The following MAST2 variants were observed in gnomAD, a reference collection of about 807,000 sequenced individuals.
MAST2 encodes microtubule associated serine/threonine kinase 2.
Under a neutral mutation model 147.4 loss-of-function variants are expected in MAST2, and 70 were observed. The ratio of observed to expected loss-of-function variants is 0.47; its 90% CI spans 0.39 to 0.58. MAST2 has a LOEUF of 0.58. MAST2 is among the 20% of genes least tolerant of loss of function. The pLI, the probability that MAST2 is intolerant of heterozygous loss-of-function variation, is 0.00. For missense variants in MAST2, 2,080 were observed against 2,302.3 expected (o/e 0.90, Z 1.98); for synonymous variants, 869 against 896.8 (o/e 0.97, Z 0.55).
chr1:45,824,687 C>G, intron 2 of MAST2, 107 bp downstream of exon 2: 1 of 1,164,138 alleles, frequency 8.6e-7, no homozygotes. Flanking sequence ...TGGTAGTAGT[C>G]TTGTATAGAA....
chr1:45,952,420 T>C (rs1296221064), intron 4 of MAST2, among the ~76,000 whole-genome samples: 1 of 152,172 alleles, frequency 6.6e-6, no homozygotes, highest in Non-Finnish European at 1.5e-5. Context: ...AGGTTTCTTT[T>C]TGGCAATGAA....
At position 45,896,165 on chromosome 1, in the gene MAST2, C is replaced by A. The variant is rs561265244; in HGVS notation, c.500+13770C>A. 3.3e-5 allele frequency among the ~76,000 whole-genome samples: 5 copies of A among 151,678 alleles called. No homozygotes were observed. The East Asian group carries it at 9.7e-4, about 29-fold the overall frequency. The stretch of plus-strand genomic sequence containing the variant: ...GCCTCAGCCTCCCGAGTAGCTGGGA[C>A]TACAGACATGGGTGCCACCACACCT... On this transcript the variant is annotated intron_variant, in intron 4 of 28. Transcript: ENST00000361297.
In MAST2 at chr1:46,035,621, G is replaced by A. The variant is rs1335266557; in HGVS notation, c.4952G>A (p.Gly1651Glu). ...SSCSPPSSTS[G>E]KLSMWSWKSL... ...TGCTCTCCTCCCAGCTCCACCTCTG[G>A]GAAGCTGAGCATGTGGTCCTGGAAA... Residue 1651 changes from glycine (G) to glutamate (E), a missense_variant, in exon 29 of 29, where the codon GGG (glycine) becomes GAG (glutamate). This residue lies in a region of MAST2 where 1,278 missense variants were observed against 1,304.2 expected (regional missense o/e 0.98). Coordinates refer to ENST00000361297, the MANE Select transcript of MAST2 (RefSeq NM_015112.3). This position sits in a 1 kb window ranked among gnomAD's most constrained non-coding sequence, Gnocchi z 5.5. 3 of 1,613,888 alleles carry A rather than the reference G, an allele frequency of 1.9e-6. No homozygotes were observed. The Admixed American group carries it at 5.0e-5, about 27-fold the overall frequency.
intron 1 of MAST2, among the ~76,000 whole-genome samples, chr1:45,817,722 A>G (rs1644499401): frequency 7.2e-6 from 1 of 139,420 alleles, no homozygotes; most frequent in Non-Finnish European, 1.5e-5. Flanking sequence ...AACGACTCAT[A>G]TCATGAAAAG....
At chr1:45,843,713 C>T (rs956797769) in intron 3 of MAST2, among the ~76,000 whole-genome samples, 1 of 152,164 alleles carries the variant, frequency 6.6e-6, no homozygotes, top group African/African-American at 2.4e-5. Context: ...AGATAAAGTG[C>T]ATTCACTTGA....
Position 45,913,597 on chromosome 1 carries a change from G to C in MAST2, c.500+31202G>C, listed in dbSNP as rs887194693. The C allele has an allele frequency of 8.1e-6, 8 of 992,462 alleles. No individual in the cohort carries two copies. In the African/African-American group the frequency reaches 1.4e-4, roughly 17 times the overall value. 61.5% of individuals were successfully genotyped at this position (992,462 alleles called of 1,614,324 possible). Reference sequence around the variant, plus strand: ...GATCAGAGGACAGCTGATTCATTTGGGATCTGGAACTTGTCACTGTCCCAC... The same window carrying C: ...GATCAGAGGACAGCTGATTCATTTGCGATCTGGAACTTGTCACTGTCCCAC... On this transcript the variant is annotated intron_variant, in intron 4 of 28. Transcript: ENST00000361297.
chr1:46,007,491 T>A (rs1390913922), intron 8 of MAST2, among the ~76,000 whole-genome samples: 1 of 152,112 alleles, frequency 6.6e-6, no homozygotes, highest in Admixed American at 6.5e-5. Context: ...CTCAGAGAAA[T>A]CCATGCTATA....
intron 3 of MAST2, among the ~76,000 whole-genome samples, chr1:45,862,866 C>CACT (rs1221892591): frequency 6.6e-6 from 1 of 152,168 alleles, no homozygotes. Flanking sequence ...ATGGCACTTC[C>CACT]ACTTGAAGCC....
At position 46,035,442 on chromosome 1, in the gene MAST2, G is replaced by C. The variant is rs750752917; in HGVS notation, c.4773G>C (p.Glu1591Asp). ...TCGGGAGCCCACAAGCCATTGAGGAGGCTGCCAGCTCCTCCTCAGCAGGCC... is the reference window on the plus strand; with the variant it reads ...TCGGGAGCCCACAAGCCATTGAGGACGCTGCCAGCTCCTCCTCAGCAGGCC... ...RRLGSPQAIE[E>D]AASSSSAGPN... The change falls in exon 29 of 29, where the codon GAG becomes GAC. Residue 1591 changes from glutamate to aspartate, a missense_variant. Coordinates refer to ENST00000361297, the MANE Select transcript of MAST2 (RefSeq NM_015112.3). This position sits in a 1 kb window ranked among gnomAD's most constrained non-coding sequence, Gnocchi z 5.5. 6.8e-6 allele frequency: 11 copies of C among 1,613,188 alleles called. No individual in the cohort carries two copies. Among genetic ancestry groups the C allele is most frequent in the Non-Finnish European group, 9.3e-6 (11 of 1,179,842 alleles).
At chr1:45,951,424 A>C (rs1658916549) in intron 4 of MAST2, among the ~76,000 whole-genome samples, 1 of 152,056 alleles carries the variant, frequency 6.6e-6, no homozygotes, top group Admixed American at 6.5e-5. Context: ...CTCTACAAAA[A>C]ATACAAAACT....
At chr1:45,824,987 A>G (rs992743410) in intron 2 of MAST2, among the ~76,000 whole-genome samples, 1 of 152,252 alleles carries the variant, frequency 6.6e-6, no homozygotes, top group Non-Finnish European at 1.5e-5. Context: ...GTCACAGTAC[A>G]AAAGGAAGCA....
intron 3 of MAST2, among the ~76,000 whole-genome samples, chr1:45,882,041 A>AAAAT (rs1646872706): frequency 6.8e-6 from 1 of 146,906 alleles, no homozygotes. Flanking sequence ...AAAAAAAAAA[A>AAAAT]ATTAGCCAGG....
At chr1:45,979,044 GAA>G (rs147100291) in intron 5 of MAST2, among the ~76,000 whole-genome samples, 6,287 of 152,222 alleles carry the variant, frequency 0.041, 204 homozygotes, top group Non-Finnish European at 0.055. Flanking sequence ...TTGTATGAGA[GAA>G]AAACTAGAGT....
intron 4 of MAST2, among the ~76,000 whole-genome samples, chr1:45,912,219 G>C (rs1454490289): frequency 6.6e-6 from 1 of 152,014 alleles, no homozygotes; most frequent in East Asian, 1.9e-4. Context: ...CTACTAGGTG[G>C]GTGAGTTTGC....
chr1:45,820,487 C>T (rs780999308), intron 1 of MAST2, among the ~76,000 whole-genome samples: 1 of 152,078 alleles, frequency 6.6e-6, no homozygotes, highest in Non-Finnish European at 1.5e-5. Flanking sequence ...CTGTAGTATA[C>T]AAAAACTTTA....
chr1:45,809,709 G>A (rs1357215231), intron 1 of MAST2, among the ~76,000 whole-genome samples: 2 of 152,154 alleles, frequency 1.3e-5, no homozygotes, highest in East Asian at 3.9e-4. Flanking sequence ...CTGCAAAGTT[G>A]TTTTTCCACA....
intron 4 of MAST2, among the ~76,000 whole-genome samples, chr1:45,958,639 TC>T (rs1659989066): frequency 6.6e-6 from 1 of 152,130 alleles, no homozygotes; most frequent in African/African-American, 2.4e-5. Flanking sequence ...TAGAGACTGT[TC>T]TTTTGTTCCC....
At chr1:45,837,287 G>T (rs1219051447) in intron 3 of MAST2, among the ~76,000 whole-genome samples, 2 of 152,222 alleles carry the variant, frequency 1.3e-5, no homozygotes. Context: ...TCTCTCCCCA[G>T]GCCCAGCCTT....
At chr1:46,012,449 C>A (rs1645752933) in intron 10 of MAST2, among the ~76,000 whole-genome samples, 1 of 152,190 alleles carries the variant, frequency 6.6e-6, no homozygotes, top group Admixed American at 6.5e-5. Context: ...TCAGTGCAGG[C>A]TCTATCTTAG....
Sources: allele counts gnomAD v4.1 joint callset (sites outside exome capture counted in the v4.1 genomes callset), GRCh38; gene constraint gnomAD v4.1.1; regional missense constraint gnomAD v4.1.1; non-coding constraint Gnocchi (gnomAD v3.1); transcripts MANE v1.5; gene names NCBI Gene and HGNC (gene_info 2026-07-23, HGNC 2026-07-21).